The following NSDHL variants were observed in gnomAD, a reference collection of about 807,000 sequenced individuals.
The protein encoded by NSDHL is NAD(P) dependent 3-beta-hydroxysteroid dehydrogenase NSDHL.
NSDHL carries 1 observed loss-of-function variant against 23.0 expected under a neutral mutation model. That is an observed-to-expected ratio of 0.04 (90% CI 0.02 to 0.21). NSDHL has a LOEUF of 0.21. Ranked by LOEUF, NSDHL falls within the 10% of genes least tolerant of loss-of-function variation. NSDHL has a pLI of 1.00. For missense variants in NSDHL, 237 were observed against 300.9 expected (o/e 0.79, Z 1.57); for synonymous variants, 128 against 121.1 (o/e 1.06, Z -0.37).
At position 152,839,381 on chromosome X, in the gene NSDHL, T is replaced by G. The variant is rs191306456; in HGVS notation, c.-43-6901T>G. 3.5e-3 allele frequency among the ~76,000 whole-genome samples: 397 copies of G among 112,353 alleles called. 1 individual carries two copies. Among genetic ancestry groups the G allele is most frequent in the African/African-American group, 0.012 (379 of 30,890 alleles). ...TATTTTGCCCGTTAATTGATGCAGTTTCTTCCTAGCATTGACAGTCTTTAC... is the reference window on the plus strand; with the variant it reads ...TATTTTGCCCGTTAATTGATGCAGTGTCTTCCTAGCATTGACAGTCTTTAC... On this transcript the variant is annotated intron_variant, in intron 1 of 7. Coordinates refer to ENST00000370274, the MANE Select transcript of NSDHL (RefSeq NM_015922.3).
intron 5 of NSDHL, 97 bp downstream of exon 5, chrX:152,862,821 C>T (rs1345594336): frequency 7.1e-6 from 6 of 844,031 alleles, no homozygotes; most frequent in African/African-American, 6.0e-5. Context: ...CTGAGGCCTA[C>T]GTACCTGATT....
At chrX:152,838,040 C>T (rs1205921526) in intron 1 of NSDHL, among the ~76,000 whole-genome samples, 15 of 111,465 alleles carry the variant, frequency 1.3e-4, no homozygotes, top group African/African-American at 3.6e-4. Context: ...TGTGTGTGTC[C>T]AGGAATTTAT....
chrX:152,842,426 A>G (rs1324283294), intron 1 of NSDHL, among the ~76,000 whole-genome samples: 1 of 112,167 alleles, frequency 8.9e-6, no homozygotes, highest in East Asian at 2.8e-4. Flanking sequence ...TAATGGGTGT[A>G]AGGTGACACC....
chrX:152,860,260 G>C (rs1467996404), intron 4 of NSDHL, among the ~76,000 whole-genome samples: 2 of 112,200 alleles, frequency 1.8e-5, no homozygotes, highest in Non-Finnish European at 3.8e-5. Context: ...TCCTCGTTGG[G>C]TGACCAGGGG....
chrX:152,835,250 T>C (rs113615043), intron 1 of NSDHL, among the ~76,000 whole-genome samples: 2,979 of 109,620 alleles, frequency 0.027, 96 homozygotes, highest in African/African-American at 0.093. Flanking sequence ...AAGAAAATAC[T>C]CAGATTAGGA....
At position 152,858,442 on chromosome X, in the gene NSDHL, C is replaced by G. The variant is rs1602937664; in HGVS notation, c.268-328C>G. Among the ~76,000 whole-genome samples, 4 of 111,806 alleles carry G rather than the reference C, an allele frequency of 3.6e-5. No individual in the cohort carries two copies. The Admixed American group carries it at 3.8e-4, about 11-fold the overall frequency. ...GTGATTCATAATTTCTATCTGAGTT[C>G]ACCTTCCTGGGGAGTTTTACCTCCT... On this transcript the variant is annotated intron_variant, in intron 3 of 7. Coordinates refer to ENST00000370274, the MANE Select transcript of NSDHL (RefSeq NM_015922.3).
chrX:152,841,343 C>A (rs1242599450), intron 1 of NSDHL, among the ~76,000 whole-genome samples: 1 of 112,677 alleles, frequency 8.9e-6, no homozygotes, highest in Non-Finnish European at 1.9e-5. Context: ...ACGAGGTGAA[C>A]CAGGTACCTC....
intron 2 of NSDHL, 66 bp from the exon 3 acceptor site, chrX:152,850,199 G>A (rs1449270102): frequency 3.3e-5 from 36 of 1,092,052 alleles, no homozygotes; most frequent in Non-Finnish European, 4.3e-5. Context: ...TGATATGTAA[G>A]TCTGGACTCT....
At chrX:152,855,518 A>G (rs1454890828) in intron 3 of NSDHL, among the ~76,000 whole-genome samples, 1 of 112,144 alleles carries the variant, frequency 8.9e-6, no homozygotes, top group African/African-American at 3.2e-5. Flanking sequence ...GGCCTGTGCA[A>G]TCTGAAGATG....
At chrX:152,844,441 C>A (rs1488319753) in intron 1 of NSDHL, among the ~76,000 whole-genome samples, 3 of 112,384 alleles carry the variant, frequency 2.7e-5, no homozygotes, top group Non-Finnish European at 5.6e-5. Flanking sequence ...GCCTAGTTAG[C>A]CTGTCATGCG....
rs375828345 is a variant in NSDHL, at chrX:152,868,915, A to G, written c.921A>G (p.Leu307=). 3 of 1,210,315 alleles carry G rather than the reference A, an allele frequency of 2.5e-6. No homozygotes were observed. The highest frequency in any genetic ancestry group is 2.3e-4 in the Middle Eastern group (1 of 4,377). The part of the protein sequence containing the change: ...YWVAYYLALL[L]SLLVMVISPV... ...TGGCCTACTACCTGGCCCTCCTGCT[A>G]TCCCTGCTGGTGATGGTGATCAGTC... Residue 307 remains leucine, a synonymous_variant, in exon 8 of 8, where the codon CTA becomes CTG. Coordinates refer to ENST00000370274, the MANE Select transcript of NSDHL (RefSeq NM_015922.3).
Position 152,869,308 on chromosome X carries a change from T to C in NSDHL, c.*192T>C. On this transcript the variant is annotated 3_prime_UTR_variant, in exon 8 of 8. Coordinates refer to ENST00000370274, the MANE Select transcript of NSDHL (RefSeq NM_015922.3). Reference sequence around the variant, plus strand: ...ACAGACATTTCTTCCTTCATGGAACTGGATTTGGATTTCTTGAAGCAGGCA... The same window carrying C: ...ACAGACATTTCTTCCTTCATGGAACCGGATTTGGATTTCTTGAAGCAGGCA... 1 of 471,643 alleles carries C rather than the reference T, an allele frequency of 2.1e-6. No individual in the cohort carries two copies. The highest frequency in any genetic ancestry group is 3.8e-6 in the Non-Finnish European group (1 of 264,118). The allele number at this position is 471,643 out of a possible 1,213,427, so 38.9% of individuals were successfully genotyped here.
chrX:152,862,552 G>A (rs782461355), intron 4 of NSDHL, 44 bp from the exon 5 acceptor site: 16 of 1,161,019 alleles, frequency 1.4e-5, no homozygotes, highest in Non-Finnish European at 1.8e-5. Context: ...TGTTTGAATT[G>A]TGATAATTTG....
intron 2 of NSDHL, among the ~76,000 whole-genome samples, chrX:152,849,998 C>T: frequency 8.9e-6 from 1 of 112,014 alleles, no homozygotes; most frequent in Non-Finnish European, 1.9e-5. Context: ...GAATACAAAG[C>T]ATGGATCTTG....
Position 152,858,856 on chromosome X carries a change from T to C in NSDHL, c.354T>C (p.Tyr118=), listed in dbSNP as rs1933483607. 4.2e-6 allele frequency: 5 copies of C among 1,202,796 alleles called. No individual in the cohort carries two copies. The East Asian group carries it at 1.2e-4, about 28-fold the overall frequency. ...CCAGTAACAACAAGGAGCTCTTTTA[T>C]AGAGTGAATTACATTGGCACCAAGA... ...PPSSNNKELF[Y]RVNYIGTKNV... Residue 118 remains tyrosine, a synonymous_variant, in exon 4 of 8, where the codon TAT becomes TAC. Transcript: ENST00000370274.
intron 3 of NSDHL, among the ~76,000 whole-genome samples, chrX:152,855,270 C>T (rs1348379346): frequency 1.8e-5 from 2 of 111,357 alleles, no homozygotes; most frequent in Non-Finnish European, 3.8e-5. Flanking sequence ...GCTCGGATTA[C>T]AGGCATGAGC....
chrX:152,866,131 G>T (rs1556848067), intron 6 of NSDHL, among the ~76,000 whole-genome samples, 170 bp downstream of exon 6: 1 of 112,634 alleles, frequency 8.9e-6, no homozygotes, highest in African/African-American at 3.2e-5. Context: ...ACAACAGAGA[G>T]CTTGGAGGCT....
rs189090378 is a variant in NSDHL, at chrX:152,832,011, G to A, written c.-44+894G>A. Among the ~76,000 whole-genome samples, 29 of 111,334 alleles carry A rather than the reference G, an allele frequency of 2.6e-4. No individual in the cohort carries two copies. The South Asian group carries it at 8.3e-3, about 32-fold the overall frequency. ...TCATCATCATCCCCCCAAGTAGTAC[G>A]AGCCAGAGTTCTCACTGTGATCTCC... On this transcript the variant is annotated intron_variant, in intron 1 of 7. Transcript: ENST00000370274.
At chrX:152,851,866 G>A (rs1003143672) in intron 3 of NSDHL, among the ~76,000 whole-genome samples, 8 of 110,815 alleles carry the variant, frequency 7.2e-5, no homozygotes, top group African/African-American at 2.0e-4. Flanking sequence ...CAATGCCCTC[G>A]CCTCTCTCAT....
Sources: gnomAD v4.1 joint callset for allele counts (sites outside exome capture counted in the v4.1 genomes callset) on GRCh38, gnomAD v4.1.1 for gene constraint, MANE v1.5 for transcripts, NCBI Gene and HGNC (gene_info 2026-07-23, HGNC 2026-07-21) for gene names.